RANBP17: variants seen among roughly 807,000 people sequenced by gnomAD.
RANBP17 encodes RAN binding protein 17, also known as ran-binding protein 17.
A neutral mutation model predicts 141.2 loss-of-function variants in RANBP17; 158 were observed. The ratio of observed to expected loss-of-function variants is 1.12; its 90% CI spans 0.98 to 1.28. RANBP17 has a LOEUF of 1.28. RANBP17 is among the 50% of genes most tolerant of loss of function. The pLI, the probability that RANBP17 is intolerant of heterozygous loss-of-function variation, is 0.00. For missense variants in RANBP17, 1,438 were observed against 1,290.7 expected, an observed-to-expected ratio of 1.11 and a Z score of -1.75; for synonymous variants, 430 against 450.0, an observed-to-expected ratio of 0.96 and a Z score of 0.56.
intron 2 of RANBP17, among the ~76,000 whole-genome samples, chr5:170,878,654 T>C (rs193294201): frequency 1.8e-4 from 27 of 152,322 alleles, no homozygotes; most frequent in African/African-American, 6.3e-4. Context: ...CATCTAGATA[T>C]TCATAGTCTA....
chr5:171,279,550 C>A (rs1017677904), intron 25 of RANBP17, among the ~76,000 whole-genome samples: 1 of 152,206 alleles, frequency 6.6e-6, no homozygotes, highest in Non-Finnish European at 1.5e-5. Flanking sequence ...CTAATCACCT[C>A]TTAACGCTGT....
At chr5:171,103,903 C>T (rs1377382125) in intron 14 of RANBP17, among the ~76,000 whole-genome samples, 3 of 152,206 alleles carry the variant, frequency 2.0e-5, no homozygotes, top group Non-Finnish European at 4.4e-5. Context: ...CCCACCCACC[C>T]TTCTTCGGCT....
At chr5:170,933,792 T>C (rs1773615793) in intron 12 of RANBP17, among the ~76,000 whole-genome samples, 2 of 152,200 alleles carry the variant, frequency 1.3e-5, no homozygotes, top group African/African-American at 4.8e-5. Flanking sequence ...TTTGTTATAA[T>C]TTCTGTTCTT....
chr5:171,109,462 T>C (rs574119331), intron 14 of RANBP17, among the ~76,000 whole-genome samples: 76 of 152,320 alleles, frequency 5.0e-4, no homozygotes, highest in South Asian at 4.1e-3. Flanking sequence ...TGACTATGCA[T>C]ATTGTTTTGA....
intron 14 of RANBP17, among the ~76,000 whole-genome samples, chr5:171,011,554 T>C (rs1054950602): frequency 6.6e-6 from 1 of 152,112 alleles, no homozygotes; most frequent in African/African-American, 2.4e-5. Flanking sequence ...GCCTTCATAC[T>C]GTGCATTTTG....
intron 24 of RANBP17, chr5:171,252,836 T>C (rs2128005830): frequency 1.6e-6 from 2 of 1,238,754 alleles, no homozygotes; most frequent in South Asian, 1.2e-5. Context: ...TGTATTGTAA[T>C]AGTTAAGAGT....
intron 14 of RANBP17, among the ~76,000 whole-genome samples, chr5:171,141,489 G>T (rs564039661): frequency 2.0e-5 from 3 of 150,950 alleles, no homozygotes; most frequent in Admixed American, 6.6e-5. Flanking sequence ...CACCTGTAGC[G>T]CCAGCTTCTG....
At chr5:171,296,706 A>G (rs1470839213) in intron 27 of RANBP17, among the ~76,000 whole-genome samples, 3 of 152,210 alleles carry the variant, frequency 2.0e-5, no homozygotes, top group Admixed American at 2.0e-4. Flanking sequence ...TGAGGTCAGG[A>G]GTTTGAGACC....
intron 25 of RANBP17, among the ~76,000 whole-genome samples, chr5:171,285,172 A>G (rs1422663478): frequency 5.3e-5 from 8 of 152,176 alleles, no homozygotes; most frequent in Non-Finnish European, 7.3e-5. Context: ...AGGTAATGCT[A>G]TATGCATCTT....
chr5:171,058,254 G>A (rs1783544584), intron 14 of RANBP17, among the ~76,000 whole-genome samples: 1 of 150,988 alleles, frequency 6.6e-6, no homozygotes, highest in Non-Finnish European at 1.5e-5. Flanking sequence ...CTGGTGTGCT[G>A]CACCCATTAA....
At chr5:171,243,593 TAACA>T (rs1765021287) in intron 24 of RANBP17, among the ~76,000 whole-genome samples, 2 of 152,306 alleles carry the variant, frequency 1.3e-5, no homozygotes, top group Admixed American at 1.3e-4. Context: ...TATAAGAAAC[TAACA>T]AACTGTTTCC....
chr5:171,299,827 C>G lies in RANBP17; in HGVS notation c.*969C>G, dbSNP rs140444635. 8.2e-3 allele frequency: 1,813 copies of G among 222,142 alleles called. 9 individuals are homozygous for G. The highest frequency in any genetic ancestry group is 0.022 in the Middle Eastern group (16 of 714). The allele number at this position is 222,142 out of a possible 1,614,324, so 13.8% of individuals were successfully genotyped here. On this transcript the variant is annotated 3_prime_UTR_variant, in exon 28 of 28. Coordinates refer to ENST00000523189, the MANE Select transcript of RANBP17 (RefSeq NM_022897.5). The stretch of plus-strand genomic sequence containing the variant: ...ACCCAGAACATGAAGAAGACCTTTA[C>G]AGTTTGTGCTCTACTGTTACTAGGC...
intron 14 of RANBP17, among the ~76,000 whole-genome samples, chr5:171,053,925 A>ATATATATATATATATATT (rs1491125081): frequency 9.3e-5 from 3 of 32,372 alleles, no homozygotes; most frequent in Non-Finnish European, 2.0e-4. Flanking sequence ...ATATATATAT[A>ATATATATATATATATATT]ATTGCTGTAT....
At chr5:171,187,478 A>G (rs2127932217) in intron 18 of RANBP17, among the ~76,000 whole-genome samples, 1 of 152,304 alleles carries the variant, frequency 6.6e-6, no homozygotes, top group Admixed American at 6.5e-5. Flanking sequence ...GTGAAGCACA[A>G]TAAAACAAGG....
At chr5:171,208,716 C>T (rs1296034511) in intron 20 of RANBP17, among the ~76,000 whole-genome samples, 1 of 152,150 alleles carries the variant, frequency 6.6e-6, no homozygotes, top group Admixed American at 6.5e-5. Context: ...CCTGGATTCA[C>T]CACTTAAACT....
intron 13 of RANBP17, among the ~76,000 whole-genome samples, chr5:170,956,295 C>T (rs539372755): frequency 1.3e-5 from 2 of 152,002 alleles, no homozygotes; most frequent in African/African-American, 4.8e-5. Flanking sequence ...GTGATATTCT[C>T]CTTCATTTTT....
intron 1 of RANBP17, among the ~76,000 whole-genome samples, chr5:170,865,436 A>C (rs544171172): frequency 3.4e-4 from 52 of 152,296 alleles, no homozygotes; most frequent in Non-Finnish European, 5.6e-4. Context: ...AGTGAGTGGC[A>C]GATTCCAAAG....
At chr5:170,896,806 G>T in intron 5 of RANBP17, 1 of 414,654 alleles carries the variant, frequency 2.4e-6, no homozygotes. Flanking sequence ...CTCCACCCTG[G>T]GTGACAGAGC....
intron 12 of RANBP17, among the ~76,000 whole-genome samples, chr5:170,947,208 CATTT>C (rs1774837940): frequency 6.6e-6 from 1 of 152,054 alleles, no homozygotes; most frequent in African/African-American, 2.4e-5. Flanking sequence ...CATTTTAATA[CATTT>C]ATTAAATTGG....
Sources: gnomAD v4.1 joint callset for allele counts (sites outside exome capture counted in the v4.1 genomes callset) on GRCh38, gnomAD v4.1.1 for gene constraint, MANE v1.5 for transcripts, NCBI Gene and HGNC (gene_info 2026-07-23, HGNC 2026-07-21) for gene names.